ALDH1B1: variants seen among roughly 807,000 people sequenced by gnomAD.
ALDH1B1 encodes the protein aldehyde dehydrogenase 1 family member B1.
A neutral mutation model predicts 26.2 loss-of-function variants in ALDH1B1; 19 were observed. That is an observed-to-expected ratio of 0.72 (90% confidence interval 0.51 to 1.06). The LOEUF (loss-of-function observed/expected upper bound fraction) is 1.06. Among genes scored for constraint, ALDH1B1 ranks in the 50% least tolerant of loss-of-function variants. The pLI, the probability that ALDH1B1 is intolerant of heterozygous loss-of-function variation, is 0.00. For missense variants in ALDH1B1, 671 were observed against 683.1 expected (o/e 0.98, Z 0.20); for synonymous variants, 249 against 286.0 (o/e 0.87, Z 1.31).
rs1237299710 is a variant in ALDH1B1 at position 38,396,069 on chromosome 9, C to T, written c.321C>T (p.Arg107=). 1 of 1,614,138 alleles carries T rather than the reference C, an allele frequency of 6.2e-7. No individual in the cohort carries two copies. The highest frequency in any genetic ancestry group is 1.7e-5 in the Admixed American group (1 of 60,024). The change falls in exon 2 of 2, where the codon CGC becomes CGT. Residue 107 remains arginine (R), a synonymous_variant. Transcript: ENST00000377698. Reference sequence around the variant, plus strand: ...CTGAGCGGGGCCGGCTGCTGAACCGCCTGGCAGACCTAGTGGAGCGGGATC... The same window carrying T: ...CTGAGCGGGGCCGGCTGCTGAACCGTCTGGCAGACCTAGTGGAGCGGGATC... The part of the protein sequence containing the change: ...DASERGRLLN[R]LADLVERDRV...
In ALDH1B1 at chr9:38,398,157, T is replaced by A. The variant is rs973547168; in HGVS notation, c.*855T>A. Reference sequence around the variant, plus strand: ...ACATAGATTAGTGGTTGCCAGGGGATAGAGGAGTAATTGTTAGTGGGCATG... The same window carrying A: ...ACATAGATTAGTGGTTGCCAGGGGAAAGAGGAGTAATTGTTAGTGGGCATG... On this transcript the variant is annotated 3_prime_UTR_variant, in exon 2 of 2. Transcript: ENST00000377698. The A allele has an allele frequency of 3.6e-5, 6 of 167,086 alleles. No homozygotes were observed. The highest frequency in any genetic ancestry group is 1.2e-4 in the African/African-American group (5 of 41,438). The allele number at this position is 167,086 out of a possible 1,614,324, so 10.4% of individuals were successfully genotyped here. A position where few individuals can be genotyped will look rare whatever the true frequency, so the allele number is the denominator to read the frequency against.
chr9:38,396,925 G>A lies in ALDH1B1; in HGVS notation c.1177G>A (p.Glu393Lys), dbSNP rs746390956. 1 of 1,614,198 alleles carries A rather than the reference G, an allele frequency of 6.2e-7. No individual in the cohort carries two copies. The highest frequency in any genetic ancestry group is 8.5e-7 in the Non-Finnish European group (1 of 1,180,038). The change falls in exon 2 of 2, where the codon GAG becomes AAG. Residue 393 changes from glutamate (E) to lysine (K), a missense_variant. By Grantham distance (56) the Glu-to-Lys change is moderately conservative. Coordinates refer to ENST00000377698, the MANE Select transcript of ALDH1B1 (RefSeq NM_000692.5). ...CCTCTGTGGCGGAGAGCGTTTCGGG[G>A]AGCGTGGTTTCTTCATCAAGCCTAC... Reference protein sequence around the residue: ...KLLCGGERFGERGFFIKPTVF... With the variant: ...KLLCGGERFGKRGFFIKPTVF...
chr9:38,397,091 T>C lies in ALDH1B1; in HGVS notation c.1343T>C (p.Val448Ala), dbSNP rs201472155. ...ACCAGGTATGGCCTGGCTGCGGCTG[T>C]GTTCACCCGGGATCTGGACAAGGCC... is the stretch of plus-strand genomic sequence containing the variant. ...NNTRYGLAAA[V>A]FTRDLDKAMY... The change falls in exon 2 of 2, where the codon GTG (valine) becomes GCG (alanine). Residue 448 changes from valine to alanine, a missense_variant. Physicochemically the swap from Val to Ala is moderately conservative, Grantham distance 64. Transcript: ENST00000377698. The C allele has an allele frequency of 1.8e-5, 29 of 1,614,132 alleles. No individual in the cohort carries two copies. Among genetic ancestry groups the C allele is most frequent in the Non-Finnish European group, 2.3e-5 (27 of 1,180,024 alleles).
At position 38,395,768 on chromosome 9, in the gene ALDH1B1, C is replaced by T. The variant is rs764446668; in HGVS notation, c.20C>T (p.Pro7Leu). Residue 7 changes from proline to leucine, a missense_variant, in exon 2 of 2, where the codon CCC becomes CTC. Physicochemically the swap from Pro to Leu is moderately conservative, Grantham distance 98. Transcript: ENST00000377698. The part of the protein sequence containing the change: MLRFLA[P>L]RLLSLQGRTA... Reference sequence around the variant, plus strand: ...GTCAGCATGCTGCGCTTCCTGGCACCCCGGCTGCTTAGCCTCCAGGGCAGG... The same window carrying T: ...GTCAGCATGCTGCGCTTCCTGGCACTCCGGCTGCTTAGCCTCCAGGGCAGG... 2 of 1,598,624 alleles carry T rather than the reference C, an allele frequency of 1.3e-6. No homozygotes were observed. Among genetic ancestry groups the T allele is most frequent in the Non-Finnish European group, 1.7e-6 (2 of 1,170,642 alleles).
chr9:38,395,684 TAC>T, intron 1 of ALDH1B1, 54 bp from the exon 2 acceptor site: 1 of 1,516,338 alleles, frequency 6.6e-7, no homozygotes. Context: ...GGCCCTTGGG[TAC>T]CGCCACCTGC....
In ALDH1B1 at chr9:38,396,909, C is replaced by T. The variant is rs1010460045; in HGVS notation, c.1161C>T (p.Gly387=). 19 of 1,597,510 alleles carry T rather than the reference C, an allele frequency of 1.2e-5. No homozygotes were observed. Among genetic ancestry groups the T allele is most frequent in the Middle Eastern group, 1.7e-4 (1 of 5,916 alleles). Residue 387 remains glycine (G), a synonymous_variant, in exon 2 of 2, where the codon GGC becomes GGT. Coordinates refer to ENST00000377698, the MANE Select transcript of ALDH1B1 (RefSeq NM_000692.5). ...AGGAGGGCGCAAAACTCCTCTGTGGCGGAGAGCGTTTCGGGGAGCGTGGTT... is the reference window on the plus strand; with the variant it reads ...AGGAGGGCGCAAAACTCCTCTGTGGTGGAGAGCGTTTCGGGGAGCGTGGTT... ...GQKEGAKLLC[G]GERFGERGFF... is the part of the protein sequence containing the mutation.
At chr9:38,394,113 C>T (rs1821236163) in intron 1 of ALDH1B1, among the ~76,000 whole-genome samples, 1 of 152,204 alleles carries the variant, frequency 6.6e-6, no homozygotes, top group Admixed American at 6.5e-5. Context: ...AATAAAGGCT[C>T]TCGTGCCCCT....
intron 1 of ALDH1B1, among the ~76,000 whole-genome samples, chr9:38,395,395 T>C (rs1821258924): frequency 6.6e-6 from 1 of 152,004 alleles, no homozygotes; most frequent in Non-Finnish European, 1.5e-5. Flanking sequence ...CCTGTAAAGA[T>C]AGTATTTGGG....
rs566138598 is a variant in ALDH1B1 at position 38,394,210 on chromosome 9, G to A, written c.-10+1403G>A. Among the ~76,000 whole-genome samples, 9 of 152,300 alleles carry A rather than the reference G, an allele frequency of 5.9e-5. No homozygotes were observed. In the Middle Eastern group the frequency reaches 0.01, roughly 173 times the overall value. On this transcript the variant is annotated intron_variant, in intron 1 of 1. Coordinates refer to ENST00000377698, the MANE Select transcript of ALDH1B1 (RefSeq NM_000692.5). ...TTGCTTTGCTAAGAATCCTGTGTTC[G>A]AGTGTTCAATTTCCTTAGGATTTTG...
intron 1 of ALDH1B1, among the ~76,000 whole-genome samples, chr9:38,395,238 G>GT (rs1403569021): frequency 6.6e-6 from 1 of 152,184 alleles, no homozygotes; most frequent in Non-Finnish European, 1.5e-5. Context: ...TTTTCTCAGT[G>GT]TATCATTCAG....
Position 38,397,200 on chromosome 9 carries a change from G to A in ALDH1B1, c.1452G>A (p.Gly484=), listed in dbSNP as rs776739508. 1.9e-6 allele frequency: 3 copies of A among 1,614,042 alleles called. No homozygotes were observed. Among genetic ancestry groups the A allele is most frequent in the South Asian group, 1.1e-5 (1 of 91,076 alleles). ...NIVTCHTPFG[G]FKESGNGREL... ...TCACCTGCCACACGCCATTTGGAGG[G>A]TTTAAGGAATCTGGAAACGGGAGGG... Residue 484 remains glycine (G), a synonymous_variant, in exon 2 of 2, where the codon GGG becomes GGA. Transcript: ENST00000377698.
intron 1 of ALDH1B1, among the ~76,000 whole-genome samples, chr9:38,395,014 G>A (rs541877195): frequency 1.1e-4 from 17 of 152,244 alleles, no homozygotes; most frequent in East Asian, 3.9e-4. Flanking sequence ...TCTGAGGCAC[G>A]GCCAGTTCTG....
chr9:38,392,815 A>T lies in ALDH1B1; in HGVS notation c.-10+8A>T. 14 of 985,748 alleles carry T rather than the reference A, an allele frequency of 1.4e-5. No individual in the cohort carries two copies. Among genetic ancestry groups the T allele is most frequent in the Non-Finnish European group, 1.7e-5 (14 of 830,200 alleles). The allele number at this position is 985,748 out of a possible 1,614,324, so 61.1% of individuals were successfully genotyped here. On this transcript the variant is annotated splice_region_variant and intron_variant, in intron 1 of 1. Coordinates refer to ENST00000377698, the MANE Select transcript of ALDH1B1 (RefSeq NM_000692.5). ...AGCCCGAGCCTGCTGCAGGTAACTA[A>T]CGCTGGTCTCCCCTCGGCTCCCTCG...
In ALDH1B1 at chr9:38,396,326, G is replaced by C. The variant is rs1821284390; in HGVS notation, c.578G>C (p.Gly193Ala). The change falls in exon 2 of 2, where the codon GGT (glycine) becomes GCT (alanine). Residue 193 changes from glycine (G) to alanine (A), a missense_variant. By Grantham distance (60) the Gly-to-Ala change is moderately conservative. Transcript: ENST00000377698. ...IPWNFPLVMQ[G>A]WKLAPALATG... ...TGGAACTTCCCCTTGGTCATGCAGGGTTGGAAACTTGCCCCGGCACTCGCC... is the reference window on the plus strand; with the variant it reads ...TGGAACTTCCCCTTGGTCATGCAGGCTTGGAAACTTGCCCCGGCACTCGCC... 1 of 1,614,058 alleles carries C rather than the reference G, an allele frequency of 6.2e-7. No homozygotes were observed. The highest frequency in any genetic ancestry group is 8.5e-7 in the Non-Finnish European group (1 of 1,180,048).
chr9:38,395,439 G>A lies in ALDH1B1; in HGVS notation c.-9-301G>A, dbSNP rs553273471. On this transcript the variant is annotated intron_variant, in intron 1 of 1. Coordinates refer to ENST00000377698, the MANE Select transcript of ALDH1B1 (RefSeq NM_000692.5). ...TAGAGAAGGAGTAAAGCAGGGTAGC[G>A]GGGATAGAGAGTGTTGGGGTGGGAA... Among the ~76,000 whole-genome samples the A allele has an allele frequency of 1.8e-4, 27 of 152,302 alleles. No individual in the cohort carries two copies. In the South Asian group the frequency reaches 2.1e-3, roughly 12 times the overall value.
Position 38,395,801 on chromosome 9 carries a change from G to A in ALDH1B1, c.53G>A (p.Arg18His), listed in dbSNP as rs772107873. 174 of 1,612,204 alleles carry A rather than the reference G, an allele frequency of 1.1e-4. No homozygotes were observed. Among genetic ancestry groups the A allele is most frequent in the Non-Finnish European group, 1.4e-4 (167 of 1,179,764 alleles). The change falls in exon 2 of 2, where the codon CGC (arginine) becomes CAC (histidine). Residue 18 changes from arginine (R) to histidine (H), a missense_variant. Transcript: ENST00000377698. Reference protein sequence around the residue: ...RLLSLQGRTARYSSAAALPSP... With the variant: ...RLLSLQGRTAHYSSAAALPSP... ...CTTAGCCTCCAGGGCAGGACCGCCCGCTACTCCTCGGCAGCAGCCCTCCCA... is the reference window on the plus strand; with the variant it reads ...CTTAGCCTCCAGGGCAGGACCGCCCACTACTCCTCGGCAGCAGCCCTCCCA...
intron 1 of ALDH1B1, among the ~76,000 whole-genome samples, chr9:38,393,841 T>C (rs1821231451): frequency 6.6e-6 from 1 of 151,912 alleles, no homozygotes; most frequent in Admixed American, 6.5e-5. Flanking sequence ...TTTTCATTTT[T>C]CTCCTTTTTG....
In ALDH1B1 at chr9:38,394,557, G is replaced by C. The variant is rs565152381; in HGVS notation, c.-9-1183G>C. 6.1e-6 allele frequency: 6 copies of C among 983,100 alleles called. No homozygotes were observed. The African/African-American group carries it at 1.0e-4, about 17-fold the overall frequency. 60.9% of individuals were successfully genotyped at this position (983,100 alleles called of 1,614,324 possible). On this transcript the variant is annotated intron_variant, in intron 1 of 1. Transcript: ENST00000377698. ...TCCTTCCACTTCGGCCTACCAAAGCGTTACCAGCGTAAGCCACCACGCCCA... is the reference window on the plus strand; with the variant it reads ...TCCTTCCACTTCGGCCTACCAAAGCCTTACCAGCGTAAGCCACCACGCCCA...
chr9:38,396,798 C>A lies in ALDH1B1; in HGVS notation c.1050C>A (p.Asn350Lys), dbSNP rs1821300957. ...VEKAKQRKVG[N>K]PFELDTQQGP... ...AAGCAAAGCAGAGGAAAGTGGGGAA[C>A]CCCTTTGAGCTGGACACCCAGCAGG... The change falls in exon 2 of 2, where the codon AAC becomes AAA. Residue 350 changes from asparagine (N) to lysine (K), a missense_variant. Coordinates refer to ENST00000377698, the MANE Select transcript of ALDH1B1 (RefSeq NM_000692.5). The A allele has an allele frequency of 6.2e-7, 1 of 1,614,214 alleles. No homozygotes were observed. Among genetic ancestry groups the A allele is most frequent in the Non-Finnish European group, 8.5e-7 (1 of 1,180,040 alleles).
Sources: allele counts gnomAD v4.1 joint callset (sites outside exome capture counted in the v4.1 genomes callset), GRCh38; gene constraint gnomAD v4.1.1; transcripts MANE v1.5; gene names NCBI Gene and HGNC (gene_info 2026-07-23, HGNC 2026-07-21).